CDH10: variants seen among roughly 807,000 people sequenced by gnomAD.
The protein encoded by CDH10 is cadherin-10.
Under a neutral mutation model 73.1 loss-of-function variants are expected in CDH10, and 30 were observed. The ratio of observed to expected loss-of-function variants is 0.41; its 90% confidence interval spans 0.31 to 0.56. The LOEUF (loss-of-function observed/expected upper bound fraction) is 0.56. CDH10 is among the 20% of genes least tolerant of loss of function. The pLI, the probability that CDH10 is intolerant of heterozygous loss-of-function variation, is 0.27. For synonymous variants in CDH10, 345 were observed against 348.2 expected (o/e 0.99, Z 0.10); for missense variants, 815 against 973.7 (o/e 0.84, Z 2.17).
At chr5:24,497,923 G>A (rs1045595997) in intron 9 of CDH10, among the ~76,000 whole-genome samples, 9 of 152,198 alleles carry the variant, frequency 5.9e-5, no homozygotes, top group African/African-American at 2.2e-4. Context: ...CAATATGTAA[G>A]TCTAAGGAGG....
chr5:24,586,957 G>GCTTCAGCCTCCCGAGTAGCTGGGA (rs1251028364), intron 2 of CDH10, among the ~76,000 whole-genome samples: 3 of 145,418 alleles, frequency 2.1e-5, no homozygotes, highest in African/African-American at 7.8e-5. Context: ...CCATTCTCCT[G>GCTTCAGCCTCCCGAGTAGCTGGGA]CTTCAGCCTC....
At chr5:24,493,716 T>C (rs1436735174) in intron 9 of CDH10, among the ~76,000 whole-genome samples, 1 of 151,940 alleles carries the variant, frequency 6.6e-6, no homozygotes, top group Non-Finnish European at 1.5e-5. Context: ...GTATATTTTT[T>C]ACATATTTTA....
intron 2 of CDH10, among the ~76,000 whole-genome samples, chr5:24,542,975 C>T (rs1055314603): frequency 1.3e-5 from 2 of 152,000 alleles, no homozygotes; most frequent in Non-Finnish European, 1.5e-5. Context: ...ATATTCACAC[C>T]ATAGCAAATC....
Position 24,535,298 on chromosome 5 carries a change from A to T in CDH10, c.647-19T>A. ...ATGATACCTTGAGAAAATATAAAAA[A>T]ACTTCCATTATCTTCACTGAAATCT... On this transcript the variant is annotated intron_variant, in intron 4 of 11. Transcript: ENST00000264463. The T allele has an allele frequency of 6.3e-7, 1 of 1,591,618 alleles. No homozygotes were observed. The highest frequency in any genetic ancestry group is 2.3e-5 in the East Asian group (1 of 44,430).
intron 7 of CDH10, among the ~76,000 whole-genome samples, chr5:24,508,029 T>A (rs959112844): frequency 1.3e-5 from 2 of 152,166 alleles, no homozygotes; most frequent in Admixed American, 1.3e-4. Context: ...ATATGGCATA[T>A]AAAATTAGAA....
intron 2 of CDH10, among the ~76,000 whole-genome samples, chr5:24,552,445 G>A (rs1744581494): frequency 1.3e-5 from 2 of 151,788 alleles, no homozygotes; most frequent in South Asian, 4.2e-4. Context: ...ATTTTCTTGT[G>A]AGTTTTTCCT....
chr5:24,532,511 T>C (rs1743786927), intron 5 of CDH10, among the ~76,000 whole-genome samples: 2 of 152,162 alleles, frequency 1.3e-5, no homozygotes, highest in South Asian at 4.1e-4. Flanking sequence ...CAGGGCCTGC[T>C]GCTGAGCTAT....
chr5:24,626,814 G>A lies in CDH10; in HGVS notation c.-124+17780C>T, dbSNP rs556236043. On this transcript the variant is annotated intron_variant, in intron 1 of 11. Coordinates refer to ENST00000264463, the MANE Select transcript of CDH10 (RefSeq NM_006727.5). ...TATATGTGTGTGTGTGTGTGTGTGT[G>A]TGTATAAGTACATATATATAAGTGT... Among the ~76,000 whole-genome samples, 554 of 149,648 alleles carry A rather than the reference G, an allele frequency of 3.7e-3. 2 individuals are homozygous for A. The highest frequency in any genetic ancestry group is 6.1e-3 in the Admixed American group (90 of 14,834).
chr5:24,526,845 A>T (rs1353992133), intron 5 of CDH10, among the ~76,000 whole-genome samples: 1 of 151,776 alleles, frequency 6.6e-6, no homozygotes, highest in Non-Finnish European at 1.5e-5. Flanking sequence ...CAACCCTTTC[A>T]TGATGCTAAC....
intron 1 of CDH10, among the ~76,000 whole-genome samples, chr5:24,597,690 A>T (rs545148752): frequency 6.6e-6 from 1 of 152,150 alleles, no homozygotes; most frequent in South Asian, 2.1e-4. Flanking sequence ...GACTTTCATT[A>T]TTCTTCTGAA....
At chr5:24,597,041 A>C (rs890431672) in intron 1 of CDH10, among the ~76,000 whole-genome samples, 3 of 152,172 alleles carry the variant, frequency 2.0e-5, no homozygotes, top group African/African-American at 7.2e-5. Context: ...CTATAATTTC[A>C]GTCCCAGTTA....
intron 2 of CDH10, among the ~76,000 whole-genome samples, chr5:24,553,504 C>T (rs1744625400): frequency 6.6e-6 from 1 of 152,058 alleles, no homozygotes; most frequent in Admixed American, 6.6e-5. Flanking sequence ...ATCTCTTTGT[C>T]TTCTTGCTTT....
intron 5 of CDH10, among the ~76,000 whole-genome samples, chr5:24,534,300 TA>T (rs1561145822): frequency 6.6e-6 from 1 of 152,080 alleles, no homozygotes; most frequent in South Asian, 2.1e-4. Context: ...TGTAGTCGAA[TA>T]TTTTTTTTTG....
At position 24,497,501 on chromosome 5, in the gene CDH10, T is replaced by C. The variant is rs575424186; in HGVS notation, c.1515+897A>G. Among the ~76,000 whole-genome samples, 3 of 152,294 alleles carry C rather than the reference T, an allele frequency of 2.0e-5. No individual in the cohort carries two copies. In the South Asian group the frequency reaches 6.2e-4, roughly 32 times the overall value. ...GAATCAAATTGCAGCAATTTTACCA[T>C]ATTCAAACAACAGACAGGCTATTGA... On this transcript the variant is annotated intron_variant, in intron 9 of 11. Coordinates refer to ENST00000264463, the MANE Select transcript of CDH10 (RefSeq NM_006727.5).
chr5:24,533,495 G>T lies in CDH10; in HGVS notation c.814+1617C>A, dbSNP rs565692554. Among the ~76,000 whole-genome samples the T allele has an allele frequency of 2.6e-5, 4 of 152,008 alleles. No homozygotes were observed. The South Asian group carries it at 8.3e-4, about 32-fold the overall frequency. ...TAAATGGACTGTATTTTAGACACAT[G>T]TGTATATATATTCCTGAAAATGTAA... On this transcript the variant is annotated intron_variant, in intron 5 of 11. Coordinates refer to ENST00000264463, the MANE Select transcript of CDH10 (RefSeq NM_006727.5).
rs1358113093 is a variant in CDH10 at position 24,639,070 on chromosome 5, C to T, written c.-124+5524G>A. On this transcript the variant is annotated intron_variant, in intron 1 of 11. Coordinates refer to ENST00000264463, the MANE Select transcript of CDH10 (RefSeq NM_006727.5). The stretch of plus-strand genomic sequence containing the variant: ...TAGAGGTTGAAGATTTATATGGAAA[C>T]ACAAAACCCTTAAAATTCCTCAGGT... 2.0e-5 allele frequency among the ~76,000 whole-genome samples: 3 copies of T among 151,336 alleles called. 1 individual carries two copies. The highest frequency in any genetic ancestry group is 4.4e-5 in the Non-Finnish European group (3 of 67,596).
At chr5:24,604,828 A>G (rs1391591580) in intron 1 of CDH10, among the ~76,000 whole-genome samples, 1 of 149,380 alleles carries the variant, frequency 6.7e-6, no homozygotes, top group Non-Finnish European at 1.5e-5. Context: ...AGCCGAGGTC[A>G]AGCCATTGCA....
At chr5:24,582,038 A>G (rs1203588292) in intron 2 of CDH10, among the ~76,000 whole-genome samples, 1 of 152,198 alleles carries the variant, frequency 6.6e-6, no homozygotes, top group Admixed American at 6.5e-5. Context: ...TTAGGAAAGT[A>G]CTATGACAAC....
chr5:24,568,177 T>C (rs1218721917), intron 2 of CDH10, among the ~76,000 whole-genome samples: 5 of 151,800 alleles, frequency 3.3e-5, no homozygotes, highest in South Asian at 2.1e-4. Context: ...ACAAAAAACA[T>C]AGGATAGAAA....
Sources: allele counts gnomAD v4.1 joint callset (sites outside exome capture counted in the v4.1 genomes callset), GRCh38; gene constraint gnomAD v4.1.1; transcripts MANE v1.5; gene names NCBI Gene and HGNC (gene_info 2026-07-23, HGNC 2026-07-21).